Variants in VGLL2 observed in about 807,000 individuals in gnomAD.
VGLL2 encodes the protein transcription cofactor vestigial-like protein 2.
Under a neutral mutation model 27.0 loss-of-function variants are expected in VGLL2, and 18 were observed. The observed-to-expected ratio is 0.67, with a 90% CI of 0.46 to 0.99. VGLL2 has a LOEUF of 0.99. VGLL2 is among the 50% of genes least tolerant of loss of function. The pLI, the probability that VGLL2 is intolerant of heterozygous loss-of-function variation, is 0.00. For synonymous variants in VGLL2, 220 were observed against 201.1 expected, an observed-to-expected ratio of 1.09 and a Z score of -0.80; for missense variants, 491 against 452.3, an observed-to-expected ratio of 1.09 and a Z score of -0.78.
At chr6:117,271,530 T>A (rs925960358) in intron 3 of VGLL2, among the ~76,000 whole-genome samples, 1 of 152,032 alleles carries the variant, frequency 6.6e-6, no homozygotes, top group Admixed American at 6.5e-5. Context: ...GTTAATACTT[T>A]TACATTGATT....
At position 117,268,321 on chromosome 6, in the gene VGLL2, G is replaced by T. The variant is rs765575571; in HGVS notation, c.221G>T (p.Arg74Leu). 1.3e-5 allele frequency: 21 copies of T among 1,614,016 alleles called. No individual in the cohort carries two copies. The highest frequency in any genetic ancestry group is 1.6e-4 in the Middle Eastern group (1 of 6,084). ...GAAGAAGGCAGCCCAGAGAAAGAGC[G>T]CCCACCAGAGGCAGAGTACATCAAC... ...KEEEGSPEKERPPEAEYINSR... is the reference protein window; with the variant it reads ...KEEEGSPEKELPPEAEYINSR... Residue 74 changes from arginine to leucine, a missense_variant, in exon 2 of 4, where the codon CGC becomes CTC. Coordinates refer to ENST00000326274, the MANE Select transcript of VGLL2 (RefSeq NM_182645.3).
intron 1 of VGLL2, among the ~76,000 whole-genome samples, chr6:117,267,256 T>G (rs1773086028): frequency 6.6e-6 from 1 of 152,198 alleles, no homozygotes; most frequent in Non-Finnish European, 1.5e-5. Context: ...GCAGAATGCT[T>G]TAACACTTCA....
chr6:117,270,274 A>C (rs754611892), intron 2 of VGLL2, among the ~76,000 whole-genome samples: 10 of 152,032 alleles, frequency 6.6e-5, no homozygotes, highest in Non-Finnish European at 1.3e-4. Context: ...CGGCTGCGAA[A>C]TGGGAGGAAG....
Position 117,265,661 on chromosome 6 carries a change from T to C in VGLL2, c.-103T>C. 2 of 948,714 alleles carry C rather than the reference T, an allele frequency of 2.1e-6. No homozygotes were observed. Among genetic ancestry groups the C allele is most frequent in the Non-Finnish European group, 3.3e-6 (2 of 598,792 alleles). The allele number at this position is 948,714 out of a possible 1,614,324, so 58.8% of individuals were successfully genotyped here. ...AGCGCGCTGGCTTTGCTCCGCCTGA[T>C]GACTCCAGAGCGCGGGTCCAAGCGC... On this transcript the variant is annotated 5_prime_UTR_variant, in exon 1 of 4. It removes an upstream start codon present in the reference 5' UTR. Transcript: ENST00000326274.
rs1357865355 is a variant in VGLL2, at chr6:117,273,403, A to G, written c.*909A>G. On this transcript the variant is annotated 3_prime_UTR_variant, in exon 4 of 4. Coordinates refer to ENST00000326274, the MANE Select transcript of VGLL2 (RefSeq NM_182645.3). The stretch of plus-strand genomic sequence containing the variant: ...AGAACTAGGAATCACCACAAGGGGA[A>G]GAAATGTACATGAAGTCTCCATTAC... The G allele has an allele frequency of 2.0e-5, 3 of 152,202 alleles. No individual in the cohort carries two copies. The highest frequency in any genetic ancestry group is 4.4e-5 in the Non-Finnish European group (3 of 68,046). 9.4% of individuals were successfully genotyped at this position (152,202 alleles called of 1,614,324 possible).
intron 3 of VGLL2, among the ~76,000 whole-genome samples, chr6:117,271,445 A>C (rs1024469358): frequency 6.6e-6 from 1 of 151,964 alleles, no homozygotes; most frequent in Admixed American, 6.6e-5. Context: ...AGGCCGAATT[A>C]AGATGTGCTG....
At chr6:117,272,410 T>C in intron 3 of VGLL2, 44 bp from the exon 4 acceptor site, 1 of 1,614,148 alleles carries the variant, frequency 6.2e-7, no homozygotes, top group East Asian at 2.2e-5. Context: ...CACTCAGAGC[T>C]GAAATGGAGT....
In VGLL2 at chr6:117,271,063, A is replaced by G. The variant is rs1773185775; in HGVS notation, c.912A>G (p.Ser304=). 2.5e-6 allele frequency: 3 copies of G among 1,222,358 alleles called. No homozygotes were observed. The highest frequency in any genetic ancestry group is 4.1e-5 in the South Asian group (1 of 24,412). The allele number at this position is 1,222,358 out of a possible 1,614,324, so 75.7% of individuals were successfully genotyped here. A position where few individuals can be genotyped will look rare whatever the true frequency, so the allele number is the denominator to read the frequency against. Residue 304 remains serine (S), a splice_region_variant and synonymous_variant, in exon 3 of 4, where the codon TCA becomes TCG. Transcript: ENST00000326274. ...AGGGTCTGGGCCTCAGCGTGGACTC[A>G]GGTAAGCAGAGGAAGAAGTTTGGTC... ...VAQGLGLSVD[S]ARRYSLCGAS... is the part of the protein sequence containing the mutation.
At chr6:117,268,848 CCAA>C (rs1752973049) in intron 2 of VGLL2, among the ~76,000 whole-genome samples, 1 of 152,116 alleles carries the variant, frequency 6.6e-6, no homozygotes, top group Admixed American at 6.5e-5. Flanking sequence ...CTGTAAGACT[CCAA>C]CAAGAAAATG....
At position 117,270,410 on chromosome 6, in the gene VGLL2, A is replaced by G. The variant is rs200439392; in HGVS notation, c.392-133A>G. On this transcript the variant is annotated intron_variant, in intron 2 of 3. Transcript: ENST00000326274. ...CGGGGGCTGCCCATCAGCCCCGGCC[A>G]TGGCTAGCCAGCCCTGTGCCCGCCC... 1,452 of 1,188,210 alleles carry G rather than the reference A, an allele frequency of 1.2e-3. 19 individuals are homozygous for G. The Admixed American group carries it at 0.022, about 18-fold the overall frequency. 73.6% of individuals were successfully genotyped at this position (1,188,210 alleles called of 1,614,324 possible). A position where few individuals can be genotyped will look rare whatever the true frequency, so the allele number is the denominator to read the frequency against.
intron 3 of VGLL2, among the ~76,000 whole-genome samples, chr6:117,272,118 T>C (rs941255251): frequency 6.6e-6 from 1 of 150,518 alleles, no homozygotes; most frequent in African/African-American, 2.4e-5. Flanking sequence ...AGTGGTGTTT[T>C]GTCCTTCTTT....
chr6:117,271,679 T>C (rs978070578), intron 3 of VGLL2, among the ~76,000 whole-genome samples: 2 of 152,220 alleles, frequency 1.3e-5, no homozygotes, highest in African/African-American at 2.4e-5. Flanking sequence ...TGGACAGCGG[T>C]GATCTAGAGT....
chr6:117,266,161 G>A (rs1316227825), intron 1 of VGLL2, among the ~76,000 whole-genome samples: 2 of 152,214 alleles, frequency 1.3e-5, no homozygotes, highest in Non-Finnish European at 2.9e-5. Flanking sequence ...ATTCTTCCAA[G>A]CCAGGTGCAG....
intron 2 of VGLL2, 144 bp from the exon 3 acceptor site, chr6:117,270,399 C>A (rs1773159002): frequency 1.8e-6 from 2 of 1,085,278 alleles, no homozygotes; most frequent in Non-Finnish European, 2.5e-6. Flanking sequence ...GGCTGCCCAT[C>A]AGCCCCGGCC....
At chr6:117,270,451 C>T (rs981750584) in intron 2 of VGLL2, 92 bp from the exon 3 acceptor site, 85 of 1,417,030 alleles carry the variant, frequency 6.0e-5, no homozygotes, top group Non-Finnish European at 7.6e-5. Flanking sequence ...CTTCGTCTCT[C>T]GGGCGGGACG....
At chr6:117,267,468 AG>A (rs1358877663) in intron 1 of VGLL2, among the ~76,000 whole-genome samples, 2 of 152,008 alleles carry the variant, frequency 1.3e-5, no homozygotes, top group Non-Finnish European at 2.9e-5. Flanking sequence ...TCGTTATTAA[AG>A]AGAAGATCTG....
intron 2 of VGLL2, among the ~76,000 whole-genome samples, chr6:117,269,355 GC>G (rs1773133522): frequency 6.6e-6 from 1 of 152,148 alleles, no homozygotes; most frequent in Non-Finnish European, 1.5e-5. Flanking sequence ...TGTGTACCAA[GC>G]TGAGAAAGGG....
chr6:117,273,605 A>G (rs192075422), downstream of VGLL2: 43 of 152,270 alleles, frequency 2.8e-4, no homozygotes, highest in African/African-American at 9.4e-4. Flanking sequence ...TAAATAACTT[A>G]GTTTTTTTCT....
chr6:117,268,480 G>C lies in VGLL2; in HGVS notation c.380G>C (p.Gly127Ala), dbSNP rs1329180895. The C allele has an allele frequency of 1.2e-6, 2 of 1,608,670 alleles. No individual in the cohort carries two copies. The highest frequency in any genetic ancestry group is 2.7e-5 in the African/African-American group (2 of 74,696). ...AGCAGCAAAGCACCAAGGAGCTCTG[G>C]GCCCTGGCGAGGTGAGTATAGGGCC... ...CTSSKAPRSS[G>A]PWRDCSFPMS... Residue 127 changes from glycine (G) to alanine (A), a missense_variant, in exon 2 of 4, where the codon GGG becomes GCG. Transcript: ENST00000326274.
Sources: gnomAD v4.1 joint callset for allele counts (sites outside exome capture counted in the v4.1 genomes callset) on GRCh38, gnomAD v4.1.1 for gene constraint, MANE v1.5 for transcripts, NCBI Gene and HGNC (gene_info 2026-07-23, HGNC 2026-07-21) for gene names.